The following SRRM1 variants were observed in gnomAD, a reference collection of about 807,000 sequenced individuals.
SRRM1 encodes serine and arginine repetitive matrix 1, also known as serine/arginine repetitive matrix protein 1.
In SRRM1, 19 loss-of-function variants were observed where a neutral mutation model predicts 110.2. That is an observed-to-expected ratio of 0.17 (90% CI 0.12 to 0.25). SRRM1 has a LOEUF of 0.25. Ranked by LOEUF, SRRM1 falls within the 10% of genes least tolerant of loss-of-function variation. The pLI, the probability that SRRM1 is intolerant of heterozygous loss-of-function variation, is 1.00. For synonymous variants in SRRM1, 443 were observed against 414.9 expected (o/e 1.07, Z -0.82); for missense variants, 918 against 1,145.8 (o/e 0.80, Z 2.87).
rs1406089600 is a variant in SRRM1 at position 24,649,418 on chromosome 1, A to C, written c.405+389A>C. Among the ~76,000 whole-genome samples the C allele has an allele frequency of 2.0e-5, 3 of 152,368 alleles. No individual in the cohort carries two copies. The East Asian group carries it at 5.8e-4, about 29-fold the overall frequency. On this transcript the variant is annotated intron_variant, in intron 4 of 16. Transcript: ENST00000323848. ...ACTGCAGCTTTCACCTCCTGAGTTC[A>C]AGCGATTCTCATGCCTCAGTCTCCT... is the stretch of plus-strand genomic sequence containing the variant.
chr1:24,662,814 T>G lies in SRRM1; in HGVS notation c.1628+10T>G. On this transcript the variant is annotated intron_variant, in intron 12 of 16. Coordinates refer to ENST00000323848, the MANE Select transcript of SRRM1 (RefSeq NM_005839.4). ...AAGAGACTTCCCCTCGGTAACATCTTTGCTTCAGTGATGTTCACTGATGTT... is the reference window on the plus strand; with the variant it reads ...AAGAGACTTCCCCTCGGTAACATCTGTGCTTCAGTGATGTTCACTGATGTT... 1 of 1,613,986 alleles carries G rather than the reference T, an allele frequency of 6.2e-7. No individual in the cohort carries two copies. The highest frequency in any genetic ancestry group is 8.5e-7 in the Non-Finnish European group (1 of 1,179,914).
At chr1:24,650,624 A>G (rs1000682330) in intron 5 of SRRM1, 2 of 152,194 alleles carry the variant, frequency 1.3e-5, no homozygotes, top group Non-Finnish European at 2.9e-5. Flanking sequence ...ATTTGTGGTG[A>G]AAGGTGAGAA....
intron 9 of SRRM1, 66 bp downstream of exon 9, chr1:24,655,195 GC>G (rs1663320132): frequency 1.3e-6 from 2 of 1,538,250 alleles, no homozygotes; most frequent in African/African-American, 1.4e-5. Context: ...GTCAGTTATT[GC>G]CCCCTGCTCA....
chr1:24,643,478 G>A (rs1258931827), intron 1 of SRRM1, 131 bp downstream of exon 1: 3 of 658,870 alleles, frequency 4.6e-6, no homozygotes, highest in Middle Eastern at 4.4e-4. Context: ...CCTAGAGCCG[G>A]CGCACCCCCC....
chr1:24,654,827 T>G, intron 8 of SRRM1, 28 bp from the exon 9 acceptor site: 6 of 1,612,324 alleles, frequency 3.7e-6, no homozygotes, highest in Non-Finnish European at 5.1e-6. Context: ...AGTGTGCAAT[T>G]AGTGAATATG....
rs1672807851 is a variant in SRRM1, at chr1:24,671,704, T to C, written c.2610+109T>C. On this transcript the variant is annotated intron_variant, in intron 16 of 16. Coordinates refer to ENST00000323848, the MANE Select transcript of SRRM1 (RefSeq NM_005839.4). ...TTTTTTCTACTAATTAGCCAGTTAC[T>C]CTGAGATAAAAGTCACGTACCATAC... is the stretch of plus-strand genomic sequence containing the variant. 29 of 986,596 alleles carry C rather than the reference T, an allele frequency of 2.9e-5. No homozygotes were observed. The South Asian group carries it at 4.8e-4, about 16-fold the overall frequency. 61.1% of individuals were successfully genotyped at this position (986,596 alleles called of 1,614,324 possible).
chr1:24,659,126 G>A (rs1221079937), intron 9 of SRRM1, among the ~76,000 whole-genome samples: 3 of 151,926 alleles, frequency 2.0e-5, no homozygotes, highest in East Asian at 1.9e-4. Flanking sequence ...CCCGGGAGGC[G>A]GAGGTTGCAG....
At chr1:24,647,042 C>CA (rs1658079139) in intron 3 of SRRM1, 2 of 315,570 alleles carry the variant, frequency 6.3e-6, no homozygotes, top group South Asian at 1.2e-4. Context: ...ACTTTGACAG[C>CA]AATTTTCTAA....
At chr1:24,652,401 C>CG in intron 6 of SRRM1, 33 bp from the exon 7 acceptor site, 2 of 1,081,772 alleles carry the variant, frequency 1.8e-6, no homozygotes, top group Non-Finnish European at 2.5e-6. Flanking sequence ...TACAAGAAGG[C>CG]AAAAAAAAAA....
chr1:24,671,297 T>G, intron 15 of SRRM1, 89 bp from the exon 16 acceptor site: 1 of 1,319,110 alleles, frequency 7.6e-7, no homozygotes, highest in Non-Finnish European at 1.0e-6. Flanking sequence ...ATTTGTCCAT[T>G]GGGGATTTGA....
In SRRM1 at chr1:24,646,803, A is replaced by G. The variant is rs761746884; in HGVS notation, c.234+14A>G. On this transcript the variant is annotated intron_variant, in intron 3 of 16. Coordinates refer to ENST00000323848, the MANE Select transcript of SRRM1 (RefSeq NM_005839.4). ...CTGGAAGTGAAGGTACTAATATACA[A>G]ATGGCTCTTGTTTCTGAATATGTGA... is the stretch of plus-strand genomic sequence containing the variant. 2.9e-5 allele frequency: 46 copies of G among 1,562,260 alleles called. No individual in the cohort carries two copies. Among genetic ancestry groups the G allele is most frequent in the African/African-American group, 2.7e-4 (19 of 71,508 alleles).
At chr1:24,652,733 A>G (rs1261336554) in intron 7 of SRRM1, 105 bp downstream of exon 7, 1 of 1,324,734 alleles carries the variant, frequency 7.5e-7, no homozygotes, top group African/African-American at 1.5e-5. Context: ...GTTTAGTACA[A>G]ATATTTTTTG....
chr1:24,670,163 T>C lies in SRRM1; in HGVS notation c.2248T>C (p.Ser750Pro), dbSNP rs1370626936. ...ACAGTCTGTAAGAAGGGTCTCATCC[T>C]CCCGATCTGTCTCCGGGTCTCCTGA... ...SPQSVRRVSS[S>P]RSVSGSPEPA... Residue 750 changes from serine (S) to proline (P), a missense_variant, in exon 15 of 17, where the codon TCC becomes CCC. By Grantham distance (74) the Ser-to-Pro change is moderately conservative (BLOSUM62 -1). This residue lies in a region of SRRM1 where 357 missense variants were observed against 402.9 expected (regional missense o/e 0.89). Transcript: ENST00000323848. 6.2e-7 allele frequency: 1 copy of C among 1,613,262 alleles called. No individual in the cohort carries two copies. Among genetic ancestry groups the C allele is most frequent in the South Asian group, 1.1e-5 (1 of 90,988 alleles).
chr1:24,646,615 A>AC, intron 2 of SRRM1, 52 bp from the exon 3 acceptor site: 1 of 1,451,264 alleles, frequency 6.9e-7, no homozygotes, highest in Non-Finnish European at 9.2e-7. Context: ...TAACTTGAGC[A>AC]TTTTTTTTTA....
chr1:24,657,873 T>C (rs1236173841), intron 9 of SRRM1, among the ~76,000 whole-genome samples: 1 of 152,234 alleles, frequency 6.6e-6, no homozygotes, highest in Non-Finnish European at 1.5e-5. Flanking sequence ...CATTGTGCTA[T>C]CTGGACACTT....
At chr1:24,655,541 G>A (rs972087980) in intron 9 of SRRM1, among the ~76,000 whole-genome samples, 1 of 151,950 alleles carries the variant, frequency 6.6e-6, no homozygotes, top group African/African-American at 2.4e-5. Context: ...TTTCTTGGTC[G>A]CATTGCGCTC....
intron 12 of SRRM1, chr1:24,663,144 A>G (rs2148623442): frequency 2.7e-6 from 4 of 1,488,712 alleles, no homozygotes; most frequent in Non-Finnish European, 3.6e-6. Context: ...AATTTAGTGA[A>G]TGGAATTCTT....
chr1:24,662,190 G>A (rs1667598463), intron 11 of SRRM1, among the ~76,000 whole-genome samples: 1 of 152,182 alleles, frequency 6.6e-6, no homozygotes, highest in Non-Finnish European at 1.5e-5. Flanking sequence ...GGCTTAACCT[G>A]TAACCCCAAC....
chr1:24,665,405 G>C (rs1053173161), intron 12 of SRRM1, among the ~76,000 whole-genome samples: 1 of 151,546 alleles, frequency 6.6e-6, no homozygotes, highest in Non-Finnish European at 1.5e-5. Context: ...CTCCAGCCTG[G>C]GCAACAAGAG....
Sources: gnomAD v4.1 joint callset for allele counts (sites outside exome capture counted in the v4.1 genomes callset) on GRCh38, gnomAD v4.1.1 for gene constraint, gnomAD v4.1.1 regional missense constraint, MANE v1.5 for transcripts, NCBI Gene and HGNC (gene_info 2026-07-23, HGNC 2026-07-21) for gene names.